Variants in ERICH1 observed in about 807,000 individuals in gnomAD.
ERICH1 encodes glutamate rich 1.
ERICH1 carries 56 observed loss-of-function variants against 39.6 expected under a neutral mutation model. That is an observed-to-expected ratio of 1.41 (90% CI 1.14 to 1.77). The LOEUF (loss-of-function observed/expected upper bound fraction) is 1.77, where lower values mean the gene tolerates loss of function less well. Ranked by LOEUF, ERICH1 falls within the 40% of genes most tolerant of loss-of-function variation. The probability of loss-of-function intolerance (pLI) is 0.00; values close to 1 mark genes in which losing one functional copy is unlikely to be tolerated. For synonymous variants in ERICH1, 313 were observed against 223.6 expected (o/e 1.40, Z -3.57); for missense variants, 826 against 575.4 (o/e 1.44, Z -4.45).
chr8:652,764 A>C (rs1365704830), intron 3 of ERICH1, among the ~76,000 whole-genome samples: 1 of 152,204 alleles, frequency 6.6e-6, no homozygotes, highest in African/African-American at 2.4e-5. Flanking sequence ...AACTGTGATA[A>C]ACAAAACAAC....
Position 715,950 on chromosome 8 carries a change from T to C in ERICH1, c.80A>G (p.Lys27Arg), listed in dbSNP as rs545046601. ...LFPPVPSGQG[K>R]REPQTLAVQN... Reference sequence around the variant, plus strand: ...GACGGCCAGCGTCTGGGGTTCCCTCTTTCCTTGGCCACTTGGAACAGGAGG... The same window carrying C: ...GACGGCCAGCGTCTGGGGTTCCCTCCTTCCTTGGCCACTTGGAACAGGAGG... The change falls in exon 2 of 6, where the codon AAG (lysine) becomes AGG (arginine). Residue 27 changes from lysine (K) to arginine (R), a missense_variant. Physicochemically the swap from Lys to Arg is conservative, Grantham distance 26. Transcript: ENST00000262109. 6.8e-6 allele frequency: 11 copies of C among 1,613,986 alleles called. No homozygotes were observed. The highest frequency in any genetic ancestry group is 2.7e-5 in the African/African-American group (2 of 75,044).
At chr8:698,123 TGA>T (rs1810793829) in intron 2 of ERICH1, among the ~76,000 whole-genome samples, 2 of 152,180 alleles carry the variant, frequency 1.3e-5, no homozygotes, top group Non-Finnish European at 2.9e-5. Context: ...GTTGTGGATC[TGA>T]GTCAATTTAA....
intron 2 of ERICH1, among the ~76,000 whole-genome samples, chr8:693,359 A>C (rs1409174456): frequency 6.6e-6 from 1 of 152,268 alleles, no homozygotes; most frequent in Non-Finnish European, 1.5e-5. Context: ...AATTGAGTGA[A>C]TACAGTGTGT....
chr8:671,623 G>A (rs911324823), intron 4 of ERICH1, among the ~76,000 whole-genome samples: 2 of 150,026 alleles, frequency 1.3e-5, no homozygotes, highest in Non-Finnish European at 3.0e-5. Context: ...CGACCACTGA[G>A]CGCACTGGTC....
intron 3 of ERICH1, among the ~76,000 whole-genome samples, chr8:651,194 C>G (rs1799899552): frequency 2.0e-5 from 3 of 152,176 alleles, no homozygotes; most frequent in Admixed American, 2.0e-4. Flanking sequence ...GGCTTCAGTT[C>G]ACATCTGGTT....
At chr8:668,911 C>G (rs1802721183) in intron 4 of ERICH1, 119 bp from the exon 5 acceptor site, 2 of 883,512 alleles carry the variant, frequency 2.3e-6, no homozygotes, top group African/African-American at 3.4e-5. Flanking sequence ...AATGACATAT[C>G]TGGGAGATGA....
intron 2 of ERICH1, among the ~76,000 whole-genome samples, chr8:693,796 C>T (rs953687717): frequency 2.0e-5 from 3 of 152,164 alleles, no homozygotes; most frequent in Admixed American, 2.0e-4. Flanking sequence ...AGGTCATCAC[C>T]ACCGTGGATG....
At chr8:656,646 A>G in intron 3 of ERICH1, 1 of 683,438 alleles carries the variant, frequency 1.5e-6, no homozygotes, top group Non-Finnish European at 1.8e-6. Context: ...CACTCTGACA[A>G]GTGTGGAATT....
chr8:696,846 C>T (rs1284241077), intron 2 of ERICH1, among the ~76,000 whole-genome samples: 2 of 135,342 alleles, frequency 1.5e-5, no homozygotes, highest in African/African-American at 5.5e-5. Flanking sequence ...CTCCTCTCAC[C>T]CTCTCTCCCT....
At chr8:615,402 G>C in intron 3 of ERICH1, 1 of 561,288 alleles carries the variant, frequency 1.8e-6, no homozygotes, top group East Asian at 3.0e-5. Flanking sequence ...GTCTTCCTAA[G>C]CCCTGCTTTC....
intron 2 of ERICH1, among the ~76,000 whole-genome samples, chr8:697,044 G>A (rs147742921): frequency 1.5e-3 from 229 of 152,208 alleles, no homozygotes; most frequent in Non-Finnish European, 2.5e-3. Context: ...CTGTCCTCAG[G>A]GTGACTTCCC....
chr8:715,771 G>C, intron 2 of ERICH1, 90 bp downstream of exon 2: 2 of 1,510,798 alleles, frequency 1.3e-6, no homozygotes, highest in Admixed American at 2.1e-5. Context: ...AGATGCCCGA[G>C]GCCCAAAAGA....
At chr8:705,133 GC>G (rs770456151) in intron 2 of ERICH1, among the ~76,000 whole-genome samples, 1 of 152,210 alleles carries the variant, frequency 6.6e-6, no homozygotes, top group Non-Finnish European at 1.5e-5. Context: ...CAATCAATTG[GC>G]TAAATCATTG....
intron 3 of ERICH1, among the ~76,000 whole-genome samples, chr8:679,940 G>A (rs1451848640): frequency 6.1e-3 from 56 of 9,164 alleles, no homozygotes; most frequent in South Asian, 0.017. Flanking sequence ...AACACAGAAA[G>A]TCCAAGAGAA....
intron 2 of ERICH1, among the ~76,000 whole-genome samples, chr8:694,178 T>A (rs567072640): frequency 6.6e-6 from 1 of 152,278 alleles, no homozygotes; most frequent in South Asian, 2.1e-4. Flanking sequence ...CAGGTTCCAC[T>A]GTAGTCAACA....
In ERICH1 at chr8:728,331, A is replaced by C. The variant is rs142209035; in HGVS notation, c.22+2809T>G. Reference sequence around the variant, plus strand: ...ACCAACACGAGATGTCCTGACAGGCACTGGGAACCGTCCAGGGAGGAGGAG... The same window carrying C: ...ACCAACACGAGATGTCCTGACAGGCCCTGGGAACCGTCCAGGGAGGAGGAG... On this transcript the variant is annotated intron_variant, in intron 1 of 5. Transcript: ENST00000262109. 2.5e-3 allele frequency among the ~76,000 whole-genome samples: 380 copies of C among 152,298 alleles called. 2 individuals carry two copies. Among genetic ancestry groups the C allele is most frequent in the African/African-American group, 8.9e-3 (368 of 41,566 alleles).
chr8:635,646 G>A lies in ERICH1; in HGVS notation c.977-20362C>T, dbSNP rs556147468. On this transcript the variant is annotated intron_variant, in intron 3 of 3. Coordinates refer to the ERICH1 transcript ENST00000522706. ...TGTGTCCAGGGACTCCCAGCAACCC[G>A]TCCCTGCACCCTCACGCTCACCTGT... is the stretch of plus-strand genomic sequence containing the variant. Among the ~76,000 whole-genome samples the A allele has an allele frequency of 5.9e-5, 9 of 152,314 alleles. No homozygotes were observed. In the East Asian group the frequency reaches 1.2e-3, roughly 20 times the overall value.
intron 3 of ERICH1, among the ~76,000 whole-genome samples, chr8:636,181 G>A (rs192862127): frequency 3.3e-5 from 5 of 152,318 alleles, no homozygotes; most frequent in Non-Finnish European, 5.9e-5. Flanking sequence ...CACCTCCACT[G>A]CCCTGGGCCG....
intron 2 of ERICH1, among the ~76,000 whole-genome samples, chr8:700,164 C>T (rs1811592136): frequency 1.3e-5 from 1 of 77,322 alleles, no homozygotes; most frequent in African/African-American, 4.2e-5. Context: ...CCCGCACACG[C>T]GCACAGGCCC....
Sources: allele counts gnomAD v4.1 joint callset (sites outside exome capture counted in the v4.1 genomes callset), GRCh38; gene constraint gnomAD v4.1.1; transcripts MANE v1.5; gene names NCBI Gene and HGNC (gene_info 2026-07-23, HGNC 2026-07-21).